PCDH8: variants seen among roughly 807,000 people sequenced by gnomAD.
PCDH8 encodes the protein protocadherin-8.
A neutral mutation model predicts 58.2 loss-of-function variants in PCDH8; 36 were observed. The observed-to-expected ratio is 0.62, with a 90% CI of 0.47 to 0.82. The LOEUF is 0.82. Ranked by LOEUF, PCDH8 falls within the 40% of genes least tolerant of loss-of-function variation. PCDH8 has a pLI of 0.00. For missense variants in PCDH8, 1,493 were observed against 1,567.8 expected (o/e 0.95, Z 0.81); for synonymous variants, 775 against 728.9 (o/e 1.06, Z -1.02).
chr13:52,846,644 C>T lies in PCDH8; in HGVS notation c.1793G>A (p.Arg598His), dbSNP rs147678631. The T allele has an allele frequency of 3.1e-5, 50 of 1,603,838 alleles. No homozygotes were observed. In the African/African-American group the frequency reaches 3.3e-4, roughly 11 times the overall value. Residue 598 changes from arginine to histidine, a missense_variant, in exon 1 of 3, where the codon CGC becomes CAC. Around this residue, in one of 3 missense-constraint regions of PCDH8, gnomAD observed 1,307 missense variants for 1,362.7 expected, o/e 0.96. Transcript: ENST00000377942. ...CGCATGGTCGTTCTGGTCCAGCACG[C>T]GCACTTGCACTAGGGCGCTGCTGGA... ...QLSSSALVQVRVLDQNDHAPV... is the reference protein window; with the variant it reads ...QLSSSALVQVHVLDQNDHAPV...
rs747259410 is a variant in PCDH8, at chr13:52,847,413, C to G, written c.1024G>C (p.Val342Leu). 17 of 1,579,560 alleles carry G rather than the reference C, an allele frequency of 1.1e-5. No individual in the cohort carries two copies. Among genetic ancestry groups the G allele is most frequent in the Non-Finnish European group, 1.5e-5 (17 of 1,170,138 alleles). The stretch of plus-strand genomic sequence containing the variant: ...TTGTCATTGACGTCTCGGATGCGCA[C>G]GATGACCTTGCAGGTGGCAGCGCGG... ...GPRAATCKVI[V>L]RIRDVNDNAP... Residue 342 changes from valine to leucine, a missense_variant, in exon 1 of 3, where the codon GTG becomes CTG. Around this residue, in one of 3 missense-constraint regions of PCDH8, gnomAD observed 1,307 missense variants for 1,362.7 expected, o/e 0.96. Transcript: ENST00000377942.
In PCDH8 at chr13:52,846,498, C is replaced by A; in HGVS notation, c.1939G>T (p.Gly647Trp). 6.3e-7 allele frequency: 1 copy of A among 1,597,564 alleles called. No individual in the cohort carries two copies. Among genetic ancestry groups the A allele is most frequent in the East Asian group, 2.2e-5 (1 of 44,764 alleles). ...QARDADEGAN[G>W]ELAFELQQQE... The stretch of plus-strand genomic sequence containing the variant: ...TGCTGCAGCTCGAACGCCAGCTCCC[C>A]GTTGGCTCCCTCGTCTGCATCCCGG... Residue 647 changes from glycine to tryptophan, a missense_variant, in exon 1 of 3, where the codon GGG becomes TGG. Transcript: ENST00000377942.
chr13:52,846,411 C>T lies in PCDH8; in HGVS notation c.2026G>A (p.Asp676Asn), dbSNP rs756325893. The change falls in exon 1 of 3, where the codon GAC becomes AAC. Residue 676 changes from aspartate (D) to asparagine (N), a missense_variant. Physicochemically the swap from Asp to Asn is conservative, Grantham distance 23. Coordinates refer to ENST00000377942, the MANE Select transcript of PCDH8 (RefSeq NM_002590.4). ...RRTGEILLTG[D>N]LSQEPPGRVF... The stretch of plus-strand genomic sequence containing the variant: ...CGACCGGGTGGCTCCTGCGAGAGGT[C>T]GCCGGTGAGCAGTATCTCCCCCGTG... 54 of 1,595,812 alleles carry T rather than the reference C, an allele frequency of 3.4e-5. No individual in the cohort carries two copies. The highest frequency in any genetic ancestry group is 4.5e-5 in the East Asian group (2 of 44,624).
Position 52,847,175 on chromosome 13 carries a change from G to T in PCDH8, c.1262C>A (p.Ser421Ter). Residue 421 changes from serine to a stop codon, truncating the protein, a stop_gained, in exon 1 of 3, where the codon TCG (serine) becomes TAG (stop). Transcript: ENST00000377942. LOFTEE classifies it high-confidence loss of function. ...VALVSTSDRD[S>*]GANGQVRCAL... ...GCAGCGCACTTGCCCGTTGGCGCCC[G>T]AGTCCCTGTCCGAGGTGCTGACCAG... 1 of 1,489,410 alleles carries T rather than the reference G, an allele frequency of 6.7e-7. No individual in the cohort carries two copies. Among genetic ancestry groups the T allele is most frequent in the Non-Finnish European group, 8.9e-7 (1 of 1,127,978 alleles). 92.3% of individuals were successfully genotyped at this position (1,489,410 alleles called of 1,614,324 possible). A position where few individuals can be genotyped will look rare whatever the true frequency, so the allele number is the denominator to read the frequency against.
rs761223699 is a variant in PCDH8, at chr13:52,845,989, G to A, written c.2448C>T (p.Pro816=). The A allele has an allele frequency of 9.5e-6, 14 of 1,476,272 alleles. No individual in the cohort carries two copies. In the Admixed American group the frequency reaches 1.6e-4, roughly 17 times the overall value. 91.4% of individuals were successfully genotyped at this position (1,476,272 alleles called of 1,614,324 possible). A position where few individuals can be genotyped will look rare whatever the true frequency, so the allele number is the denominator to read the frequency against. Reference sequence around the variant, plus strand: ...GGAAGGTGAGCACGTCGAACATGTTGGGCCTGGGCCCGGCTCCCCGGGCGG... The same window carrying A: ...GGAAGGTGAGCACGTCGAACATGTTAGGCCTGGGCCCGGCTCCCCGGGCGG... The part of the protein sequence containing the change: ...EEAARGAGPR[P]NMFDVLTFPG... Residue 816 remains proline, a synonymous_variant, in exon 1 of 3, where the codon CCC becomes CCT. Transcript: ENST00000377942.
In PCDH8 at chr13:52,845,579, C is replaced by T; in HGVS notation, c.2685G>A (p.Val895=). ...FGKEPAPPVA[V]WKGHSFNTIS... ...TGGTGTTGAAGGAGTGTCCTTTCCA[C>T]ACCGCCACAGGGGGCGCCGGCTCCT... Residue 895 remains valine, a synonymous_variant, in exon 2 of 3, where the codon GTG becomes GTA. Transcript: ENST00000377942. The T allele has an allele frequency of 6.2e-7, 1 of 1,614,172 alleles. No individual in the cohort carries two copies. The highest frequency in any genetic ancestry group is 8.5e-7 in the Non-Finnish European group (1 of 1,180,040).
chr13:52,845,305 G>C (rs1965711035), intron 2 of PCDH8, 120 bp downstream of exon 2: 2 of 921,282 alleles, frequency 2.2e-6, no homozygotes, highest in Non-Finnish European at 3.4e-6. Flanking sequence ...GCAGCTGTAG[G>C]AGTGAGAAAA....
chr13:52,848,499 G>A lies in PCDH8; in HGVS notation c.-63C>T. On this transcript the variant is annotated 5_prime_UTR_variant, in exon 1 of 3. It adds an upstream start codon to the 5' untranslated region. Coordinates refer to ENST00000377942, the MANE Select transcript of PCDH8 (RefSeq NM_002590.4). ...GTCTTCTCTGGTTTCCAGGTCGGGC[G>A]TCAGTCTCAGGCTCTCGGAATCACG... 2 of 1,508,162 alleles carry A rather than the reference G, an allele frequency of 1.3e-6. No homozygotes were observed. The highest frequency in any genetic ancestry group is 1.8e-6 in the Non-Finnish European group (2 of 1,133,990). The allele number at this position is 1,508,162 out of a possible 1,614,324, so 93.4% of individuals were successfully genotyped here.
chr13:52,846,178 G>C lies in PCDH8; in HGVS notation c.2259C>G (p.Ile753Met), dbSNP rs1247581887. Residue 753 changes from isoleucine to methionine, a missense_variant, in exon 1 of 3, where the codon ATC becomes ATG. Coordinates refer to ENST00000377942, the MANE Select transcript of PCDH8 (RefSeq NM_002590.4). ...VLQWDTPLIVIIVLAGSCTLL... is the reference protein window; with the variant it reads ...VLQWDTPLIVMIVLAGSCTLL... The stretch of plus-strand genomic sequence containing the variant: ...GCGTGCAGCTCCCGGCCAGCACGAT[G>C]ATGACGATCAGCGGCGTGTCCCATT... The C allele has an allele frequency of 6.3e-7, 1 of 1,587,150 alleles. No homozygotes were observed. Among genetic ancestry groups the C allele is most frequent in the Non-Finnish European group, 8.5e-7 (1 of 1,175,024 alleles).
Position 52,846,312 on chromosome 13 carries a change from C to A in PCDH8, c.2125G>T (p.Val709Leu). Reference protein sequence around the residue: ...PLTTTATVSFVVTAGGGRGPA... With the variant: ...PLTTTATVSFLVTAGGGRGPA... ...CCACGCCCGCCCCCTGCTGTTACCA[C>A]GAAGCTGACAGTTGCGGTGGTGGTG... The change falls in exon 1 of 3, where the codon GTG becomes TTG. Residue 709 changes from valine (V) to leucine (L), a missense_variant. Physicochemically the swap from Val to Leu is conservative, Grantham distance 32. Transcript: ENST00000377942. The A allele has an allele frequency of 1.3e-6, 2 of 1,571,910 alleles. No individual in the cohort carries two copies. Among genetic ancestry groups the A allele is most frequent in the Middle Eastern group, 1.7e-4 (1 of 5,920 alleles).
At position 52,843,766 on chromosome 13, in the gene PCDH8, A is replaced by G. The variant is rs1327463291; in HGVS notation, c.*794T>C. ...GAGCAGGGATTTTATAGACTAATAC[A>G]TATGGAGATGCACATAATTTATGAA... On this transcript the variant is annotated 3_prime_UTR_variant, in exon 3 of 3. Transcript: ENST00000377942. The G allele has an allele frequency of 1.3e-5, 2 of 152,256 alleles. No homozygotes were observed. Among genetic ancestry groups the G allele is most frequent in the African/African-American group, 2.4e-5 (1 of 41,472 alleles). 9.4% of individuals were successfully genotyped at this position (152,256 alleles called of 1,614,324 possible).
Position 52,847,271 on chromosome 13 carries a change from C to A in PCDH8, c.1166G>T (p.Gly389Val). The A allele has an allele frequency of 7.3e-7, 1 of 1,377,380 alleles. No homozygotes were observed. The allele number at this position is 1,377,380 out of a possible 1,614,324, so 85.3% of individuals were successfully genotyped here. Residue 389 changes from glycine to valine, a missense_variant, in exon 1 of 3, where the codon GGA becomes GTA. This residue lies in a region of PCDH8 where 1,307 missense variants were observed against 1,362.7 expected (regional missense o/e 0.96). Coordinates refer to ENST00000377942, the MANE Select transcript of PCDH8 (RefSeq NM_002590.4). The stretch of plus-strand genomic sequence containing the variant: ...GGCACCAGCCTCCGGCGTCCCGGCT[C>A]CCGCCGGCGAGCTAGCGTCCGCTCC... ...LGGADASSPA[G>V]AGTPEAGATS... is the part of the protein sequence containing the mutation.
In PCDH8 at chr13:52,847,806, A is replaced by G; in HGVS notation, c.631T>C (p.Tyr211His). ...TCCTGGGCCACCAGCTCCAGGCTGT[A>G]GGCGGCCTGGCTCTCGCGGTCCAGC... ...QELDRESQAAYSLELVAQDGG... is the reference protein window; with the variant it reads ...QELDRESQAAHSLELVAQDGG... The change falls in exon 1 of 3, where the codon TAC becomes CAC. Residue 211 changes from tyrosine (Y) to histidine (H), a missense_variant. By Grantham distance (83) the Tyr-to-His change is moderately conservative (BLOSUM62 2). Around this residue, in one of 3 missense-constraint regions of PCDH8, gnomAD observed 1,307 missense variants for 1,362.7 expected, o/e 0.96. Coordinates refer to ENST00000377942, the MANE Select transcript of PCDH8 (RefSeq NM_002590.4). The G allele has an allele frequency of 6.7e-7, 1 of 1,484,000 alleles. No homozygotes were observed. Among genetic ancestry groups the G allele is most frequent in the Non-Finnish European group, 8.9e-7 (1 of 1,125,140 alleles). 91.9% of individuals were successfully genotyped at this position (1,484,000 alleles called of 1,614,324 possible). A position where few individuals can be genotyped will look rare whatever the true frequency, so the allele number is the denominator to read the frequency against.
Position 52,846,374 on chromosome 13 carries a change from G to T in PCDH8, c.2063C>A (p.Ala688Glu). Residue 688 changes from alanine (A) to glutamate (E), a missense_variant, in exon 1 of 3, where the codon GCG becomes GAG. Around this residue, in one of 3 missense-constraint regions of PCDH8, gnomAD observed 1,307 missense variants for 1,362.7 expected, o/e 0.96. Coordinates refer to ENST00000377942, the MANE Select transcript of PCDH8 (RefSeq NM_002590.4). ...GCCGCCGTCGGATATGACCAGGAGC[G>T]CCCTGAACACGCGACCGGGTGGCTC... The part of the protein sequence containing the change: ...SQEPPGRVFR[A>E]LLVISDGGRP... 6.3e-7 allele frequency: 1 copy of T among 1,587,638 alleles called. No individual in the cohort carries two copies. Among genetic ancestry groups the T allele is most frequent in the South Asian group, 1.1e-5 (1 of 88,710 alleles).
At position 52,843,249 on chromosome 13, in the gene PCDH8, C is replaced by G. The variant is rs1466555129; in HGVS notation, c.*1311G>C. The G allele has an allele frequency of 6.6e-6, 1 of 152,138 alleles. No homozygotes were observed. Among genetic ancestry groups the G allele is most frequent in the African/African-American group, 2.4e-5 (1 of 41,420 alleles). The allele number at this position is 152,138 out of a possible 1,614,324, so 9.4% of individuals were successfully genotyped here. A position where few individuals can be genotyped will look rare whatever the true frequency, so the allele number is the denominator to read the frequency against. The stretch of plus-strand genomic sequence containing the variant: ...ACTTTCCATTATGTACATTTTCAAA[C>G]ACAAACATTTAGAGATACTGCTGAA... On this transcript the variant is annotated 3_prime_UTR_variant, in exon 3 of 3. Transcript: ENST00000377942.
At position 52,845,995 on chromosome 13, in the gene PCDH8, G is replaced by C; in HGVS notation, c.2442C>G (p.Pro814=). Residue 814 remains proline (P), a synonymous_variant, in exon 1 of 3, where the codon CCC becomes CCG. Transcript: ENST00000377942. The stretch of plus-strand genomic sequence containing the variant: ...TGAGCACGTCGAACATGTTGGGCCT[G>C]GGCCCGGCTCCCCGGGCGGCCTCCT... ...SPEEAARGAG[P]RPNMFDVLTF... 1 of 1,471,926 alleles carries C rather than the reference G, an allele frequency of 6.8e-7. No individual in the cohort carries two copies. The highest frequency in any genetic ancestry group is 1.3e-5 in the South Asian group (1 of 74,760). The allele number at this position is 1,471,926 out of a possible 1,614,324, so 91.2% of individuals were successfully genotyped here.
rs1479889629 is a variant in PCDH8, at chr13:52,843,147, TATC to T, written c.*1410_*1412del. Reference sequence around the variant, plus strand: ...AGTAAATGTTAGGTCTCATTATGCTTATCATCATTTTAATTTCAAATGAAATCC... The same window carrying T: ...AGTAAATGTTAGGTCTCATTATGCTTATCATTTTAATTTCAAATGAAATCC... On this transcript the variant is annotated 3_prime_UTR_variant, in exon 3 of 3. Transcript: ENST00000377942. 6.6e-6 allele frequency: 1 copy of T among 152,246 alleles called. No individual in the cohort carries two copies. The highest frequency in any genetic ancestry group is 1.5e-5 in the Non-Finnish European group (1 of 68,044). The allele number at this position is 152,246 out of a possible 1,614,324, so 9.4% of individuals were successfully genotyped here.
rs988922419 is a variant in PCDH8, at chr13:52,843,084, A to G, written c.*1476T>C. On this transcript the variant is annotated 3_prime_UTR_variant, in exon 3 of 3. Coordinates refer to ENST00000377942, the MANE Select transcript of PCDH8 (RefSeq NM_002590.4). ...GATTAAATGAGATAATTCATGCAGA[A>G]TGCTTGGTAAGGAGCTCTGCTCACA... 3.3e-5 allele frequency: 5 copies of G among 152,230 alleles called. No individual in the cohort carries two copies. The highest frequency in any genetic ancestry group is 1.2e-4 in the African/African-American group (5 of 41,456). The allele number at this position is 152,230 out of a possible 1,614,324, so 9.4% of individuals were successfully genotyped here.
Position 52,846,136 on chromosome 13 carries a change from G to A in PCDH8, c.2301C>T (p.Ile767=), listed in dbSNP as rs1351493980. ...AGSCTLLLAA[I]IAIATTCNRR... is the part of the protein sequence containing the mutation. ...GGTTGCAGGTGGTGGCGATGGCGAT[G>A]ATGGCGGCCAGCAGCAGCGTGCAGC... is the stretch of plus-strand genomic sequence containing the variant. The change falls in exon 1 of 3, where the codon ATC becomes ATT. Residue 767 remains isoleucine (I), a synonymous_variant. Coordinates refer to ENST00000377942, the MANE Select transcript of PCDH8 (RefSeq NM_002590.4). 30 of 1,582,606 alleles carry A rather than the reference G, an allele frequency of 1.9e-5. No homozygotes were observed. The highest frequency in any genetic ancestry group is 2.2e-5 in the Non-Finnish European group (26 of 1,172,108).
Sources: allele counts gnomAD v4.1 joint callset, GRCh38; gene constraint gnomAD v4.1.1; regional missense constraint gnomAD v4.1.1; transcripts MANE v1.5; gene names NCBI Gene and HGNC (gene_info 2026-07-23, HGNC 2026-07-21).